CDKN2B-AS1: variants seen among roughly 807,000 people sequenced by gnomAD.
CDKN2B-AS1 encodes CDKN2B and CDKN2A antisense cis and trans regulatory RNA 1.
At chr9:22,079,080 A>G (rs1234913235) in intron 4 of CDKN2B-AS1, among the ~76,000 whole-genome samples, 1 of 152,238 alleles carries the variant, frequency 6.6e-6, no homozygotes, top group Non-Finnish European at 1.5e-5. Context: ...CTTATATTTC[A>G]TTTCTATTTT....
chr9:22,114,040 A>T (rs574728312), intron 4 of CDKN2B-AS1, among the ~76,000 whole-genome samples: 2 of 152,206 alleles, frequency 1.3e-5, no homozygotes, highest in Non-Finnish European at 2.9e-5. Flanking sequence ...AACCACATAT[A>T]TCAACTGATA....
rs1821166025 is a variant in CDKN2B-AS1, at chr9:22,006,073, C to A, written n.29+10912C>A. Reference sequence around the variant, plus strand: ...AAGTCCACGGGCAGACGACCCCAGGCATCGCGCACGTCCAGCCGCGCCCCG... The same window carrying A: ...AAGTCCACGGGCAGACGACCCCAGGAATCGCGCACGTCCAGCCGCGCCCCG... On this transcript the variant is annotated intron_variant and non_coding_transcript_variant, in intron 1 of 4. Coordinates refer to ENST00000650946, the Ensembl canonical transcript of CDKN2B-AS1. The surrounding 1 kb of genome is among the most constrained non-coding windows in gnomAD (Gnocchi z 6.4). The A allele has an allele frequency of 6.2e-7, 1 of 1,606,730 alleles. No homozygotes were observed. The highest frequency in any genetic ancestry group is 1.7e-5 in the Admixed American group (1 of 59,958).
intron 4 of CDKN2B-AS1, among the ~76,000 whole-genome samples, chr9:22,076,304 T>C (rs1386559888): frequency 6.6e-6 from 1 of 152,136 alleles, no homozygotes; most frequent in Non-Finnish European, 1.5e-5. Flanking sequence ...TCCACCCGCC[T>C]GGGCCTCCCA....
intron 1 of CDKN2B-AS1, among the ~76,000 whole-genome samples, chr9:22,037,689 AG>A (rs1357589491): frequency 3.9e-5 from 6 of 152,030 alleles, no homozygotes; most frequent in Admixed American, 1.3e-4. Flanking sequence ...GTCACCACAA[AG>A]GGTAGTGGAG....
chr9:22,011,063 TGG>T (rs1250055556), intron 1 of CDKN2B-AS1, among the ~76,000 whole-genome samples: 1 of 152,144 alleles, frequency 6.6e-6, no homozygotes, highest in African/African-American at 2.4e-5. Context: ...AAAACAACTT[TGG>T]GTAGGGAAAA....
intron 4 of CDKN2B-AS1, among the ~76,000 whole-genome samples, chr9:22,113,435 G>A (rs1372165065): frequency 1.3e-5 from 2 of 152,172 alleles, no homozygotes; most frequent in Non-Finnish European, 2.9e-5. Flanking sequence ...GATTACATCC[G>A]TCTGGATAAT....
At chr9:22,048,093 C>A (rs1587455291) in intron 2 of CDKN2B-AS1, among the ~76,000 whole-genome samples, 1 of 151,958 alleles carries the variant, frequency 6.6e-6, no homozygotes, top group African/African-American at 2.4e-5. Flanking sequence ...GTGCGCCTGA[C>A]CTGGATGAGA....
chr9:22,047,366 T>C (rs953661975), intron 2 of CDKN2B-AS1, among the ~76,000 whole-genome samples: 1 of 152,098 alleles, frequency 6.6e-6, no homozygotes, highest in African/African-American at 2.4e-5. Flanking sequence ...CACATGCTGG[T>C]GATTTGGTGA....
intron 1 of CDKN2B-AS1, chr9:22,030,762 T>G (rs1015062979): frequency 6.6e-6 from 1 of 152,164 alleles, no homozygotes; most frequent in African/African-American, 2.4e-5. Context: ...TTAATTGAAA[T>G]AGTATATGTA....
intron 1 of CDKN2B-AS1, among the ~76,000 whole-genome samples, chr9:22,040,376 A>C (rs1273738359): frequency 1.3e-5 from 2 of 152,030 alleles, no homozygotes; most frequent in African/African-American, 4.8e-5. Context: ...CCAGTGTTTG[A>C]ACACAAATCA....
chr9:22,053,186 A>G (rs1339083562), intron 3 of CDKN2B-AS1, among the ~76,000 whole-genome samples: 8 of 152,204 alleles, frequency 5.3e-5, no homozygotes. Context: ...TTATCACACA[A>G]TTAATATGGG....
In CDKN2B-AS1 at chr9:22,053,647, G is replaced by T. The variant is rs1328998158; in HGVS notation, n.303-2605G>T. On this transcript the variant is annotated intron_variant and non_coding_transcript_variant, in intron 3 of 4. Transcript: ENST00000650946. ...TTCTACCACTTTCTTTCTTCCCAGT[G>T]TAAGAGAATGCAAGTATATGCTGAT... Among the ~76,000 whole-genome samples the T allele has an allele frequency of 3.9e-5, 6 of 152,244 alleles. No individual in the cohort carries two copies. In the South Asian group the frequency reaches 1.0e-3, roughly 26 times the overall value.
Position 22,102,328 on chromosome 9 carries a change from C to G in CDKN2B-AS1, n.439-24775C>G, listed in dbSNP as rs114405708. 9.1e-3 allele frequency among the ~76,000 whole-genome samples: 1,387 copies of G among 152,268 alleles called. 18 individuals carry two copies. Among genetic ancestry groups the G allele is most frequent in the African/African-American group, 0.028 (1,179 of 41,550 alleles). On this transcript the variant is annotated intron_variant and non_coding_transcript_variant, in intron 4 of 4. Coordinates refer to ENST00000650946, the Ensembl canonical transcript of CDKN2B-AS1. The stretch of plus-strand genomic sequence containing the variant: ...GCTAGATGGCTTGCTCATTACATTA[C>G]CTACATGATTCTGTGTAAGGGATTG...
chr9:22,109,469 T>C (rs1003726199), intron 4 of CDKN2B-AS1, among the ~76,000 whole-genome samples: 4 of 152,182 alleles, frequency 2.6e-5, no homozygotes, highest in African/African-American at 7.2e-5. Flanking sequence ...TACAGAGCTT[T>C]TAACCCTAAT....
chr9:22,071,827 C>T (rs1824308442), intron 4 of CDKN2B-AS1, among the ~76,000 whole-genome samples: 1 of 152,132 alleles, frequency 6.6e-6, no homozygotes, highest in Non-Finnish European at 1.5e-5. Flanking sequence ...TGAATAGTTA[C>T]TTCTAGTCAG....
intron 4 of CDKN2B-AS1, among the ~76,000 whole-genome samples, chr9:22,060,096 G>A (rs1040441093): frequency 3.9e-5 from 6 of 152,288 alleles, no homozygotes; most frequent in African/African-American, 9.6e-5. Context: ...CCATGGTCTC[G>A]GGGATTAACA....
intron 1 of CDKN2B-AS1, among the ~76,000 whole-genome samples, chr9:22,040,905 G>T (rs554643218): frequency 4.6e-5 from 7 of 152,102 alleles, no homozygotes; most frequent in Non-Finnish European, 8.8e-5. Flanking sequence ...GACTTCCCAG[G>T]CCACACAGTA....
rs1385113226 is a variant in CDKN2B-AS1, at chr9:21,995,934, CA to C, written n.29+774del. 1 of 152,720 alleles carries C rather than the reference CA, an allele frequency of 6.5e-6. No individual in the cohort carries two copies. The highest frequency in any genetic ancestry group is 1.5e-5 in the Non-Finnish European group (1 of 68,456). The allele number at this position is 152,720 out of a possible 1,614,324, so 9.5% of individuals were successfully genotyped here. A position where few individuals can be genotyped will look rare whatever the true frequency, so the allele number is the denominator to read the frequency against. ...GCGGCCTGAGTGGGTGGGTGTGTGC[CA>C]GAGGATTCGGGACTAGGCCCAGCTC... On this transcript the variant is annotated intron_variant and non_coding_transcript_variant, in intron 1 of 4. Coordinates refer to ENST00000650946, the Ensembl canonical transcript of CDKN2B-AS1. This position sits in a 1 kb window ranked among gnomAD's most constrained non-coding sequence, Gnocchi z 5.7.
intron 1 of CDKN2B-AS1, among the ~76,000 whole-genome samples, chr9:22,038,655 T>C (rs1022489315): frequency 6.6e-6 from 1 of 151,986 alleles, no homozygotes; most frequent in Admixed American, 6.6e-5. Context: ...AAGAAACAAG[T>C]TGGATATGGA....
Sources: allele counts gnomAD v4.1 joint callset (sites outside exome capture counted in the v4.1 genomes callset), GRCh38; gene constraint gnomAD v4.1.1; non-coding constraint Gnocchi (gnomAD v3.1); transcripts MANE v1.5; gene names NCBI Gene and HGNC (gene_info 2026-07-23, HGNC 2026-07-21).